Variants in PLCE1 observed in about 807,000 individuals in gnomAD.
PLCE1 encodes the protein 1-phosphatidylinositol 4,5-bisphosphate phosphodiesterase epsilon-1.
Under a neutral mutation model 242.8 loss-of-function variants are expected in PLCE1, and 119 were observed. The ratio of observed to expected loss-of-function variants is 0.49; its 90% CI spans 0.42 to 0.57. The LOEUF (loss-of-function observed/expected upper bound fraction) is 0.57. PLCE1 is among the 20% of genes least tolerant of loss of function. The pLI is 0.00. For missense variants in PLCE1, 2,441 were observed against 2,788.8 expected, an observed-to-expected ratio of 0.88 and a Z score of 2.81; for synonymous variants, 945 against 1,017.4, an observed-to-expected ratio of 0.93 and a Z score of 1.35.
At chr10:94,171,939 C>G (rs1049291909) in intron 4 of PLCE1, among the ~76,000 whole-genome samples, 1 of 152,156 alleles carries the variant, frequency 6.6e-6, no homozygotes, top group African/African-American at 2.4e-5. Context: ...GCAGAAACAC[C>G]TAGGTCACCA....
chr10:94,131,865 C>G (rs1184003215), intron 2 of PLCE1, among the ~76,000 whole-genome samples: 1 of 152,236 alleles, frequency 6.6e-6, no homozygotes, highest in Non-Finnish European at 1.5e-5. Flanking sequence ...CATCTCTCTG[C>G]AGAAGAGCTT....
chr10:94,208,289 A>G (rs1241692811), intron 4 of PLCE1, among the ~76,000 whole-genome samples: 1 of 152,250 alleles, frequency 6.6e-6, no homozygotes, highest in Non-Finnish European at 1.5e-5. Flanking sequence ...CTTCATTCTG[A>G]GTATTTCTTC....
chr10:94,206,713 G>C (rs2049167682), intron 4 of PLCE1, among the ~76,000 whole-genome samples: 1 of 152,174 alleles, frequency 6.6e-6, no homozygotes, highest in Non-Finnish European at 1.5e-5. Flanking sequence ...GGTTGGAACA[G>C]GCCAGTGGTG....
At chr10:94,125,102 C>G (rs971525135) in intron 2 of PLCE1, among the ~76,000 whole-genome samples, 1 of 152,114 alleles carries the variant, frequency 6.6e-6, no homozygotes, top group Non-Finnish European at 1.5e-5. Flanking sequence ...TTCACTTATT[C>G]AATCAAGAAC....
chr10:94,243,369 G>A (rs1016932875), intron 7 of PLCE1, among the ~76,000 whole-genome samples: 1 of 152,142 alleles, frequency 6.6e-6, no homozygotes, highest in African/African-American at 2.4e-5. Context: ...TAGTCAAGAG[G>A]AGCCTAAAGA....
chr10:94,094,850 G>T (rs2045241493), intron 2 of PLCE1: 1 of 152,110 alleles, frequency 6.6e-6, no homozygotes, highest in Non-Finnish European at 1.5e-5. Context: ...CAAAAGGGGA[G>T]GAAATCGATA....
rs2054148576 is a variant in PLCE1 at position 94,330,717 on chromosome 10, TC to T, written c.*2775del. 1 of 147,432 alleles carries T rather than the reference TC, an allele frequency of 6.8e-6. No individual in the cohort carries two copies. The highest frequency in any genetic ancestry group is 6.8e-5 in the Admixed American group (1 of 14,764). The allele number at this position is 147,432 out of a possible 1,614,324, so 9.1% of individuals were successfully genotyped here. A position where few individuals can be genotyped will look rare whatever the true frequency, so the allele number is the denominator to read the frequency against. ...AAAAAAAAAAAAAAAAAGTAAAGAG[TC>T]TAGTCTACTATTATACACAAATGGC... On this transcript the variant is annotated 3_prime_UTR_variant, in exon 33 of 33. Transcript: ENST00000371380.
Position 94,306,567 on chromosome 10 carries a change from CG to C in PLCE1, c.5764del (p.Glu1922SerfsTer27), listed in dbSNP as rs1564881408. On this transcript the variant is annotated frameshift_variant, in exon 26 of 33. Transcript: ENST00000371380. LOFTEE classifies it high-confidence loss of function. This position sits in a 1 kb window ranked among gnomAD's most constrained non-coding sequence, Gnocchi z 5.7. ...GAAACACCCTGAACCCCATGTGGAACGAGCAGTTTCTGTTCCACGTTCACTT... is the reference window on the plus strand; with the variant it reads ...GAAACACCCTGAACCCCATGTGGAACAGCAGTTTCTGTTCCACGTTCACTT... Reference protein sequence around the residue: ...HRNTLNPMWNEQFLFHVHFED... With the variant: ...HRNTLNPMWNXQFLFHVHFED... 3 of 1,614,130 alleles carry C rather than the reference CG, an allele frequency of 1.9e-6. No homozygotes were observed. The highest frequency in any genetic ancestry group is 1.7e-6 in the Non-Finnish European group (2 of 1,179,974).
At chr10:94,234,428 G>A in intron 6 of PLCE1, 116 bp downstream of exon 6, 1 of 1,140,168 alleles carries the variant, frequency 8.8e-7, no homozygotes, top group South Asian at 1.3e-5. Flanking sequence ...GTTAATAGTT[G>A]TTATATTATT....
At chr10:94,166,789 C>G (rs149913544) in intron 3 of PLCE1, among the ~76,000 whole-genome samples, 3 of 152,042 alleles carry the variant, frequency 2.0e-5, no homozygotes, top group Non-Finnish European at 4.4e-5. Context: ...AGGGGATAAT[C>G]ACACCACCTT....
chr10:94,252,031 A>G (rs996413454), intron 8 of PLCE1, among the ~76,000 whole-genome samples: 2 of 152,194 alleles, frequency 1.3e-5, no homozygotes, highest in African/African-American at 2.4e-5. Flanking sequence ...TAGTTCTGCA[A>G]TTTAACCTCT....
Position 94,234,362 on chromosome 10 carries a change from G to C in PLCE1, c.2214+50G>C, listed in dbSNP as rs117411918. The C allele has an allele frequency of 1.2e-3, 1,895 of 1,583,706 alleles. 28 individuals are homozygous for C. The East Asian group carries it at 0.034, about 29-fold the overall frequency. ...GCCTGAAGAGCCACTGTTGCTGGCT[G>C]TCTCATCAGGCCCTGTCTGTGCTCA... On this transcript the variant is annotated intron_variant, in intron 6 of 32. Transcript: ENST00000371380.
rs1332473915 is a variant in PLCE1, at chr10:94,232,457, G to C, written c.1956-1597G>C. Among the ~76,000 whole-genome samples the C allele has an allele frequency of 4.6e-5, 7 of 152,146 alleles. No individual in the cohort carries two copies. The East Asian group carries it at 1.4e-3, about 29-fold the overall frequency. ...TGCAGAAAAGAAGTGGACAGGAGAG[G>C]AGATGGGAAAGGATGGGGATAGAGG... On this transcript the variant is annotated intron_variant, in intron 5 of 32. Transcript: ENST00000371380.
chr10:94,259,245 T>A, intron 13 of PLCE1, 95 bp downstream of exon 13: 1 of 1,239,236 alleles, frequency 8.1e-7, no homozygotes, highest in Non-Finnish European at 1.2e-6. Flanking sequence ...CTGTCCCACA[T>A]AGTGTGCTAT....
intron 1 of PLCE1, among the ~76,000 whole-genome samples, chr10:93,994,839 TC>T (rs1326914111): frequency 1.3e-5 from 2 of 152,150 alleles, no homozygotes; most frequent in Non-Finnish European, 2.9e-5. Flanking sequence ...GACACTGAGT[TC>T]AGCCGACTTA....
chr10:94,030,553 A>T (rs187170405), intron 1 of PLCE1, among the ~76,000 whole-genome samples, 130 bp from the exon 2 acceptor site: 48 of 152,238 alleles, frequency 3.2e-4, no homozygotes, highest in Admixed American at 6.5e-4. Context: ...TACTAAAAAC[A>T]TAAAAACCAA....
At chr10:94,140,377 CAAA>C (rs34755242) in intron 3 of PLCE1, among the ~76,000 whole-genome samples, 2 of 138,940 alleles carry the variant, frequency 1.4e-5, no homozygotes, top group Admixed American at 7.3e-5. Context: ...ACTGAAAATA[CAAA>C]AAAAAAAAAA....
At chr10:94,093,703 C>T (rs1044752080) in intron 2 of PLCE1, among the ~76,000 whole-genome samples, 2 of 152,178 alleles carry the variant, frequency 1.3e-5, no homozygotes, top group African/African-American at 2.4e-5. Context: ...CTGCCTAGGT[C>T]TGCAGCCCAG....
intron 2 of PLCE1, among the ~76,000 whole-genome samples, chr10:94,092,607 G>A (rs2045122914): frequency 1.3e-5 from 2 of 148,800 alleles, no homozygotes; most frequent in South Asian, 4.3e-4. Context: ...TGACATTAAA[G>A]CAAAAATAAG....
Sources: gnomAD v4.1 joint callset for allele counts (sites outside exome capture counted in the v4.1 genomes callset) on GRCh38, gnomAD v4.1.1 for gene constraint, Gnocchi (gnomAD v3.1) non-coding constraint, MANE v1.5 for transcripts, NCBI Gene and HGNC (gene_info 2026-07-23, HGNC 2026-07-21) for gene names.